TAB1: variants seen among roughly 807,000 people sequenced by gnomAD.
TAB1 encodes TGF-beta activated kinase 1 (MAP3K7) binding protein 1.
A neutral mutation model predicts 54.5 loss-of-function variants in TAB1; 30 were observed. That is an observed-to-expected ratio of 0.55 (90% CI 0.41 to 0.75). TAB1 has a LOEUF of 0.75. Ranked by LOEUF, TAB1 falls within the 30% of genes least tolerant of loss-of-function variation. The pLI is 0.00. For synonymous variants in TAB1, 289 were observed against 286.9 expected (o/e 1.01, Z -0.07); for missense variants, 609 against 683.2 (o/e 0.89, Z 1.21).
At chr22:39,421,631 T>C in intron 7 of TAB1, 196 bp from the exon 8 acceptor site, 1 of 639,090 alleles carries the variant, frequency 1.6e-6, no homozygotes. Flanking sequence ...TTTATGGCCT[T>C]CCAAGCTTTA....
At chr22:39,420,576 C>T (rs1927025762) in intron 7 of TAB1, among the ~76,000 whole-genome samples, 1 of 152,162 alleles carries the variant, frequency 6.6e-6, no homozygotes, top group Non-Finnish European at 1.5e-5. Flanking sequence ...ATATTTGTCC[C>T]TAATTTGTGG....
At chr22:39,402,600 T>G (rs1926195471) in intron 1 of TAB1, among the ~76,000 whole-genome samples, 1 of 152,208 alleles carries the variant, frequency 6.6e-6, no homozygotes, top group Non-Finnish European at 1.5e-5. Flanking sequence ...TCACCCAGAC[T>G]GGAGTGAAGC....
chr22:39,414,123 T>C (rs1601688894), intron 1 of TAB1, among the ~76,000 whole-genome samples: 1 of 152,066 alleles, frequency 6.6e-6, no homozygotes, highest in East Asian at 1.9e-4. Flanking sequence ...GGAATCAGGG[T>C]GCCGTTGGGG....
chr22:39,417,142 G>A (rs1385890021), intron 4 of TAB1, among the ~76,000 whole-genome samples: 1 of 152,206 alleles, frequency 6.6e-6, no homozygotes, highest in African/African-American at 2.4e-5. Context: ...ATGGGTCCCC[G>A]CCCTTGTCAA....
intron 7 of TAB1, 133 bp from the exon 8 acceptor site, chr22:39,421,694 C>T: frequency 1.0e-6 from 1 of 983,514 alleles, no homozygotes; most frequent in Non-Finnish European, 1.5e-6. Context: ...TTCTCTTTCT[C>T]TCTTTTCTTT....
rs898805906 is a variant in TAB1 at position 39,430,690 on chromosome 22, C to T, written c.*468C>T. 12 of 1,043,902 alleles carry T rather than the reference C, an allele frequency of 1.1e-5. No individual in the cohort carries two copies. The highest frequency in any genetic ancestry group is 4.8e-5 in the Admixed American group (1 of 20,872). The allele number at this position is 1,043,902 out of a possible 1,614,324, so 64.7% of individuals were successfully genotyped here. On this transcript the variant is annotated 3_prime_UTR_variant, in exon 11 of 11. Transcript: ENST00000216160. Reference sequence around the variant, plus strand: ...ACTTCTCCAGCCTCTCAGCCCTGTGCTCCTGCATCCAGAGTGGAACCCAGG... The same window carrying T: ...ACTTCTCCAGCCTCTCAGCCCTGTGTTCCTGCATCCAGAGTGGAACCCAGG...
At chr22:39,409,533 AG>A (rs1390465280) in intron 1 of TAB1, among the ~76,000 whole-genome samples, 2 of 152,146 alleles carry the variant, frequency 1.3e-5, no homozygotes, top group African/African-American at 4.8e-5. Context: ...CTCACTAGAG[AG>A]GCCACACCAG....
intron 6 of TAB1, 68 bp downstream of exon 6, chr22:39,418,913 G>A: frequency 7.7e-7 from 1 of 1,299,658 alleles, no homozygotes; most frequent in South Asian, 1.2e-5. Context: ...TTTGGTGGTG[G>A]GGTAGAGAGG....
chr22:39,416,960 T>C, intron 4 of TAB1, 83 bp downstream of exon 4: 1 of 1,372,588 alleles, frequency 7.3e-7, no homozygotes. Context: ...TTTCTTGACA[T>C]TACTGGGCCA....
intron 8 of TAB1, among the ~76,000 whole-genome samples, chr22:39,424,631 A>T (rs778961986): frequency 6.6e-6 from 1 of 152,008 alleles, no homozygotes; most frequent in Non-Finnish European, 1.5e-5. Flanking sequence ...TATTTTTAGT[A>T]GAGATGGGGT....
chr22:39,413,868 C>T (rs1232158976), intron 1 of TAB1, among the ~76,000 whole-genome samples: 1 of 152,146 alleles, frequency 6.6e-6, no homozygotes, highest in Non-Finnish European at 1.5e-5. Context: ...GGCAAGCTTT[C>T]AGGGAGAGGC....
chr22:39,416,350 G>A (rs1048051036), intron 3 of TAB1, among the ~76,000 whole-genome samples: 3 of 152,194 alleles, frequency 2.0e-5, no homozygotes, highest in Non-Finnish European at 4.4e-5. Flanking sequence ...GTAATCATAC[G>A]AGCTGTCATA....
rs557113396 is a variant in TAB1, at chr22:39,415,893, G to C, written c.324+240G>C. Among the ~76,000 whole-genome samples, 17 of 152,338 alleles carry C rather than the reference G, an allele frequency of 1.1e-4. No individual in the cohort carries two copies. The South Asian group carries it at 3.5e-3, about 32-fold the overall frequency. ...GTACTGCTGGAGACGGGGGGATTTA[G>C]GGATGGGAGCTTGGAGAGAGGTGTG... is the stretch of plus-strand genomic sequence containing the variant. On this transcript the variant is annotated intron_variant, in intron 3 of 10. Coordinates refer to ENST00000216160, the MANE Select transcript of TAB1 (RefSeq NM_006116.3). The surrounding 1 kb of genome is among the most constrained non-coding windows in gnomAD (Gnocchi z 4.9).
downstream of TAB1, chr22:39,432,995 C>T: frequency 2.0e-6 from 2 of 985,420 alleles, no homozygotes; most frequent in Non-Finnish European, 2.4e-6. Context: ...TGGTGGGTCA[C>T]TGCCACCGTC....
intron 1 of TAB1, among the ~76,000 whole-genome samples, chr22:39,408,249 C>T (rs1926454808): frequency 6.6e-6 from 1 of 152,226 alleles, no homozygotes; most frequent in Admixed American, 6.5e-5. Flanking sequence ...GGCACGTGCT[C>T]AGTAGATTGA....
chr22:39,402,468 A>G (rs1926189740), intron 1 of TAB1, among the ~76,000 whole-genome samples: 1 of 152,198 alleles, frequency 6.6e-6, no homozygotes, highest in South Asian at 2.1e-4. Context: ...TTGCAAGGGT[A>G]TGCTGGGGCC....
intron 3 of TAB1, 113 bp from the exon 4 acceptor site, chr22:39,416,678 C>A: frequency 1.0e-6 from 1 of 995,202 alleles, no homozygotes; most frequent in Non-Finnish European, 1.6e-6. Context: ...CTCCATCACA[C>A]AAGAACCTGC....
chr22:39,433,885 C>T (rs1356820290), downstream of TAB1: 2 of 919,928 alleles, frequency 2.2e-6, no homozygotes, highest in Admixed American at 1.2e-4. Context: ...CCCCACCCCA[C>T]CGCCCCCTGC....
rs1252920362 is a variant in TAB1 at position 39,415,534 on chromosome 22, A to T, written c.205A>T (p.Asn69Tyr). The T allele has an allele frequency of 6.2e-7, 1 of 1,614,074 alleles. No homozygotes were observed. Among genetic ancestry groups the T allele is most frequent in the Non-Finnish European group, 8.5e-7 (1 of 1,180,032 alleles). The change falls in exon 3 of 11, where the codon AAC becomes TAC. Residue 69 changes from asparagine to tyrosine, a missense_variant. Asn to Tyr is a moderately radical substitution (Grantham distance 143). Transcript: ENST00000216160. The surrounding 1 kb of genome is among the most constrained non-coding windows in gnomAD (Gnocchi z 4.9). ...CAACTGCTTCCTGTATGGGGTCTTC[A>T]ACGGCTATGATGGCAACCGAGTGAC... is the stretch of plus-strand genomic sequence containing the variant. The part of the protein sequence containing the change: ...ENNCFLYGVF[N>Y]GYDGNRVTNF...
Sources: allele counts gnomAD v4.1 joint callset (sites outside exome capture counted in the v4.1 genomes callset), GRCh38; gene constraint gnomAD v4.1.1; non-coding constraint Gnocchi (gnomAD v3.1); transcripts MANE v1.5; gene names NCBI Gene and HGNC (gene_info 2026-07-23, HGNC 2026-07-21).